The following SLC44A3 variants were observed in gnomAD, a reference collection of about 807,000 sequenced individuals.
SLC44A3 encodes the protein choline transporter-like protein 3.
In SLC44A3, 74 loss-of-function variants were observed where a neutral mutation model predicts 75.4. That is an observed-to-expected ratio of 0.98 (90% confidence interval 0.81 to 1.19). The LOEUF is 1.19. Ranked by LOEUF, SLC44A3 falls within the 50% of genes most tolerant of loss-of-function variation. The pLI is 0.00. For synonymous variants in SLC44A3, 310 were observed against 296.9 expected (o/e 1.04, Z -0.45); for missense variants, 700 against 778.6 (o/e 0.90, Z 1.20).
At chr1:94,888,858 T>A in intron 12 of SLC44A3, 1 of 213,264 alleles carries the variant, frequency 4.7e-6, no homozygotes, top group Non-Finnish European at 8.0e-6. Flanking sequence ...GCCTTCCCAG[T>A]AGCTAGGATC....
chr1:94,822,051 T>G (rs781552173), intron 2 of SLC44A3, among the ~76,000 whole-genome samples: 1 of 152,232 alleles, frequency 6.6e-6, no homozygotes, highest in Non-Finnish European at 1.5e-5. Context: ...TCTGCTTAAC[T>G]TCGCAGATGG....
At position 94,895,192 on chromosome 1, in the gene SLC44A3, A is replaced by T. The variant is rs140463920; in HGVS notation, c.*270A>T. The stretch of plus-strand genomic sequence containing the variant: ...AACTTACAAAGTACACTATGTAAGA[A>T]CTGAGGTAAGTTTGTAAGTGCACAA... On this transcript the variant is annotated 3_prime_UTR_variant, in exon 15 of 15. Transcript: ENST00000271227. The T allele has an allele frequency of 1.0e-3, 318 of 312,974 alleles. 4 individuals carry two copies. The East Asian group carries it at 0.017, about 17-fold the overall frequency. The allele number at this position is 312,974 out of a possible 1,614,324, so 19.4% of individuals were successfully genotyped here.
rs148189894 is a variant in SLC44A3, at chr1:94,857,357, C to T, written c.1095C>T (p.Gly365=). 2.5e-5 allele frequency: 40 copies of T among 1,609,428 alleles called. No homozygotes were observed. The African/African-American group carries it at 2.7e-4, about 11-fold the overall frequency. The change falls in exon 10 of 15, where the codon GGC becomes GGT. Residue 365 remains glycine (G), a synonymous_variant. Coordinates refer to ENST00000271227, the MANE Select transcript of SLC44A3 (RefSeq NM_001114106.3). The stretch of plus-strand genomic sequence containing the variant: ...TAGGAGCTGCCCAGGTTATGGAAGG[C>T]GGCCAAGTGGAATATAAGCCCCTTT... ...GTAGAAQVME[G]GQVEYKPLSG... is the part of the protein sequence containing the mutation.
chr1:94,864,143 GGA>G (rs1419623782), intron 10 of SLC44A3, among the ~76,000 whole-genome samples: 1 of 152,054 alleles, frequency 6.6e-6, no homozygotes, highest in Non-Finnish European at 1.5e-5. Flanking sequence ...CACATTCTTG[GGA>G]GCTGCGTCAT....
At chr1:94,864,493 G>GA (rs1472669471) in intron 10 of SLC44A3, among the ~76,000 whole-genome samples, 1 of 152,164 alleles carries the variant, frequency 6.6e-6, no homozygotes, top group Non-Finnish European at 1.5e-5. Flanking sequence ...TATGAAGAGG[G>GA]AAACTTTTTT....
chr1:94,861,470 A>G (rs865870744), intron 10 of SLC44A3, among the ~76,000 whole-genome samples: 2 of 152,210 alleles, frequency 1.3e-5, no homozygotes, highest in South Asian at 2.1e-4. Context: ...TATTAAGCCT[A>G]GCAGTGATTT....
intron 9 of SLC44A3, among the ~76,000 whole-genome samples, chr1:94,846,482 G>A (rs1310330695): frequency 6.6e-6 from 1 of 152,210 alleles, no homozygotes; most frequent in East Asian, 1.9e-4. Flanking sequence ...TAGCTAGAAT[G>A]GACGTCATTC....
chr1:94,824,600 G>GGCCC lies in SLC44A3; in HGVS notation c.244_247dup (p.Pro83ArgfsTer41). ...GCAAGAAGAACTCCCCCGTGGAAGGGGCCCCTCTTTCAGGGCAGGACATGA... is the reference window on the plus strand; with the variant it reads ...GCAAGAAGAACTCCCCCGTGGAAGGGGCCCGCCCCTCTTTCAGGGCAGGACATGA... On this transcript the variant is annotated frameshift_variant, in exon 3 of 15. Transcript: ENST00000271227. LOFTEE classifies it high-confidence loss of function. 1 of 1,607,930 alleles carries GGCCC rather than the reference G, an allele frequency of 6.2e-7. No homozygotes were observed. Among genetic ancestry groups the GGCCC allele is most frequent in the South Asian group, 1.1e-5 (1 of 90,334 alleles).
intron 12 of SLC44A3, among the ~76,000 whole-genome samples, chr1:94,868,885 C>T (rs1343066743): frequency 6.6e-6 from 1 of 152,262 alleles, no homozygotes; most frequent in Non-Finnish European, 1.5e-5. Flanking sequence ...GGTTTTCATA[C>T]TGGCCCCTGG....
chr1:94,838,561 C>G (rs1393862783), intron 6 of SLC44A3, among the ~76,000 whole-genome samples: 1 of 152,216 alleles, frequency 6.6e-6, no homozygotes, highest in Non-Finnish European at 1.5e-5. Flanking sequence ...TTTCCAGTGG[C>G]AGCCCACAAA....
intron 12 of SLC44A3, chr1:94,888,565 C>A: frequency 1.5e-6 from 1 of 659,300 alleles, no homozygotes; most frequent in Non-Finnish European, 1.9e-6. Flanking sequence ...CCAGCAACAG[C>A]TGGTTTGAGA....
intron 9 of SLC44A3, among the ~76,000 whole-genome samples, chr1:94,848,035 T>C (rs1305260797): frequency 2.0e-5 from 3 of 152,180 alleles, no homozygotes; most frequent in Admixed American, 2.0e-4. Flanking sequence ...GAGACCATCC[T>C]GGCTAACACG....
At chr1:94,865,529 C>T (rs1488931789) in intron 11 of SLC44A3, among the ~76,000 whole-genome samples, 1 of 152,156 alleles carries the variant, frequency 6.6e-6, no homozygotes, top group African/African-American at 2.4e-5. Context: ...GCTTTTGTGC[C>T]TGGGGGATTT....
chr1:94,840,893 G>T (rs553556757), intron 7 of SLC44A3, among the ~76,000 whole-genome samples: 3 of 152,258 alleles, frequency 2.0e-5, no homozygotes, highest in Admixed American at 1.3e-4. Flanking sequence ...TGGGAAAGAG[G>T]TCCGAGGGAC....
chr1:94,877,059 C>T (rs1178643415), intron 12 of SLC44A3, among the ~76,000 whole-genome samples: 4 of 151,940 alleles, frequency 2.6e-5, no homozygotes, highest in Non-Finnish European at 5.9e-5. Context: ...CTGGTACCCC[C>T]TCACTCCCAG....
chr1:94,820,595 G>A, intron 1 of SLC44A3, 117 bp downstream of exon 1: 4 of 1,410,506 alleles, frequency 2.8e-6, no homozygotes, highest in Non-Finnish European at 2.8e-6. Flanking sequence ...CGGGGATCCC[G>A]CCCCCGCTTA....
chr1:94,842,061 G>A lies in SLC44A3; in HGVS notation c.822G>A (p.Leu274=). 1.2e-6 allele frequency: 2 copies of A among 1,613,498 alleles called. No homozygotes were observed. The highest frequency in any genetic ancestry group is 1.7e-4 in the Middle Eastern group (1 of 6,056). ...YDYTNDLSIE[L]DTERENMKCV... is the part of the protein sequence containing the mutation. ...ATACCAACGACCTCAGCATAGAATTGGACACAGAAAGGGAAAATATGAAGT... is the reference window on the plus strand; with the variant it reads ...ATACCAACGACCTCAGCATAGAATTAGACACAGAAAGGGAAAATATGAAGT... Residue 274 remains leucine, a synonymous_variant, in exon 8 of 15, where the codon TTG becomes TTA. Transcript: ENST00000271227.
chr1:94,823,610 T>C (rs568623277), intron 2 of SLC44A3, among the ~76,000 whole-genome samples: 1 of 152,320 alleles, frequency 6.6e-6, no homozygotes, highest in South Asian at 2.1e-4. Context: ...AAATTAGTAA[T>C]AAATGCAGAA....
At chr1:94,863,315 C>T (rs1666796079) in intron 10 of SLC44A3, among the ~76,000 whole-genome samples, 1 of 152,112 alleles carries the variant, frequency 6.6e-6, no homozygotes, top group African/African-American at 2.4e-5. Context: ...AAGTGGTTAA[C>T]CCCATCACAG....
Sources: allele counts gnomAD v4.1 joint callset (sites outside exome capture counted in the v4.1 genomes callset), GRCh38; gene constraint gnomAD v4.1.1; transcripts MANE v1.5; gene names NCBI Gene and HGNC (gene_info 2026-07-23, HGNC 2026-07-21).